The following RBMS1 variants were observed in gnomAD, a reference collection of about 807,000 sequenced individuals.
The protein encoded by RBMS1 is RNA binding motif single stranded interacting protein 1, also known as RNA-binding motif, single-stranded-interacting protein 1.
A neutral mutation model predicts 62.3 loss-of-function variants in RBMS1; 17 were observed. That is an observed-to-expected ratio of 0.27 (90% CI 0.19 to 0.41). The LOEUF (loss-of-function observed/expected upper bound fraction) is 0.41, where lower values mean the gene tolerates loss of function less well. Ranked by LOEUF, RBMS1 falls within the 10% of genes least tolerant of loss-of-function variation. The pLI, the probability that RBMS1 is intolerant of heterozygous loss-of-function variation, is 1.00. For missense variants in RBMS1, 334 were observed against 504.5 expected, an observed-to-expected ratio of 0.66 and a Z score of 3.24; for synonymous variants, 172 against 170.0, an observed-to-expected ratio of 1.01 and a Z score of -0.09.
At position 160,284,997 on chromosome 2, in the gene RBMS1, G is replaced by A. The variant is rs374981982; in HGVS notation, c.804C>T (p.Asn268=). Residue 268 remains asparagine, a splice_region_variant and synonymous_variant, in exon 8 of 14, where the codon AAC becomes AAT. Coordinates refer to ENST00000348849, the MANE Select transcript of RBMS1 (RefSeq NM_016836.4). ...ATGGATTTATTTTAACGACATACCCGTTCTGTATAGCAGCTGTAGTTGGGT... is the reference window on the plus strand; with the variant it reads ...ATGGATTTATTTTAACGACATACCCATTCTGTATAGCAGCTGTAGTTGGGT... The part of the protein sequence containing the change: ...TYDPTTAAIQ[N]GFYPSPYSIA... 34 of 1,612,500 alleles carry A rather than the reference G, an allele frequency of 2.1e-5. No individual in the cohort carries two copies. The highest frequency in any genetic ancestry group is 3.3e-4 in the Middle Eastern group (2 of 6,080).
chr2:160,340,203 A>G (rs1455371496), intron 2 of RBMS1, among the ~76,000 whole-genome samples: 1 of 152,144 alleles, frequency 6.6e-6, no homozygotes. Context: ...GTCATTTATT[A>G]ATGGATCAAC....
At chr2:160,440,075 G>T (rs1367649159) in intron 1 of RBMS1, among the ~76,000 whole-genome samples, 1 of 112,876 alleles carries the variant, frequency 8.9e-6, no homozygotes, top group Non-Finnish European at 1.9e-5. Flanking sequence ...CCGTGGAGAG[G>T]GGAGAGGGGA....
intron 4 of RBMS1, among the ~76,000 whole-genome samples, chr2:160,311,224 C>CCATATATATAATATA (rs71297446): frequency 1.8e-5 from 1 of 56,634 alleles, no homozygotes; most frequent in Non-Finnish European, 3.6e-5. Context: ...ATCTATCTAT[C>CCATATATATAATATA]TATCTATCTA....
intron 10 of RBMS1, chr2:160,279,753 TTAGA>T (rs1173975822): frequency 6.6e-6 from 1 of 152,150 alleles, no homozygotes; most frequent in African/African-American, 2.4e-5. Flanking sequence ...TTATTGATAA[TTAGA>T]TAGACAATCT....
chr2:160,318,360 T>G, intron 2 of RBMS1, 133 bp from the exon 3 acceptor site: 2 of 1,302,968 alleles, frequency 1.5e-6, no homozygotes, highest in Non-Finnish European at 2.0e-6. Context: ...GAGTACAAAA[T>G]TTTCTTTACT....
intron 6 of RBMS1, among the ~76,000 whole-genome samples, chr2:160,297,577 A>G (rs1401155792): frequency 6.6e-6 from 1 of 152,262 alleles, no homozygotes; most frequent in Admixed American, 6.5e-5. Flanking sequence ...AAACATGTTA[A>G]GTGCCACAGC....
At chr2:160,317,569 G>T (rs1431694444) in intron 3 of RBMS1, among the ~76,000 whole-genome samples, 1 of 152,082 alleles carries the variant, frequency 6.6e-6, no homozygotes, top group Non-Finnish European at 1.5e-5. Context: ...AAAACTGAAG[G>T]TCAGTGCATC....
intron 5 of RBMS1, among the ~76,000 whole-genome samples, chr2:160,301,777 G>T (rs1689221824): frequency 6.6e-6 from 1 of 152,136 alleles, no homozygotes; most frequent in Non-Finnish European, 1.5e-5. Flanking sequence ...TCATTATTTG[G>T]CAGTTAGGTA....
chr2:160,469,447 G>C (rs1680262784), intron 1 of RBMS1, among the ~76,000 whole-genome samples: 1 of 152,166 alleles, frequency 6.6e-6, no homozygotes, highest in African/African-American at 2.4e-5. Context: ...GCAACTCGGG[G>C]CTGCAGGGCC....
At chr2:160,382,541 G>A (rs980220433) in intron 1 of RBMS1, among the ~76,000 whole-genome samples, 37 of 152,282 alleles carry the variant, frequency 2.4e-4, no homozygotes, top group African/African-American at 8.7e-4. Context: ...TTTCAAAACA[G>A]ATTAATCAGA....
At chr2:160,372,140 A>G (rs1455859533) in intron 1 of RBMS1, among the ~76,000 whole-genome samples, 3 of 152,190 alleles carry the variant, frequency 2.0e-5, no homozygotes, top group Admixed American at 2.0e-4. Context: ...AGGCTAAAGA[A>G]CAGTGCTCTG....
intron 1 of RBMS1, among the ~76,000 whole-genome samples, chr2:160,384,402 C>G (rs535019769): frequency 6.6e-6 from 1 of 152,270 alleles, no homozygotes; most frequent in East Asian, 1.9e-4. Context: ...TAGAACAAGT[C>G]TAGTCTCCCC....
chr2:160,480,834 C>T (rs957804643), intron 1 of RBMS1, among the ~76,000 whole-genome samples: 10 of 151,892 alleles, frequency 6.6e-5, no homozygotes, highest in Non-Finnish European at 1.2e-4. Flanking sequence ...AGCAAGAATC[C>T]ACTGGGAGGC....
chr2:160,371,521 C>T (rs772251431), intron 1 of RBMS1, among the ~76,000 whole-genome samples: 4 of 152,206 alleles, frequency 2.6e-5, no homozygotes, highest in Non-Finnish European at 5.9e-5. Context: ...CTACATTCTT[C>T]TATCTCCAAG....
chr2:160,485,142 C>A (rs1488458961), intron 1 of RBMS1, among the ~76,000 whole-genome samples: 1 of 152,066 alleles, frequency 6.6e-6, no homozygotes, highest in East Asian at 1.9e-4. Flanking sequence ...GAAAAGGGAA[C>A]GAGTTTATCT....
At chr2:160,294,481 C>A (rs1688837341) in intron 6 of RBMS1, among the ~76,000 whole-genome samples, 1 of 152,152 alleles carries the variant, frequency 6.6e-6, no homozygotes, top group Non-Finnish European at 1.5e-5. Context: ...GGAGGGCAGG[C>A]AGTGTAGAAG....
chr2:160,407,897 C>A (rs1695845464), intron 1 of RBMS1: 1 of 980,672 alleles, frequency 1.0e-6, no homozygotes, highest in Admixed American at 6.3e-5. Flanking sequence ...GCCTCAACCA[C>A]CGCCCTGAGA....
intron 1 of RBMS1, among the ~76,000 whole-genome samples, chr2:160,466,709 G>A (rs1258381678): frequency 6.6e-6 from 1 of 152,186 alleles, no homozygotes; most frequent in African/African-American, 2.4e-5. Flanking sequence ...TTGTGGATAA[G>A]TAACTTAAGT....
At position 160,367,399 on chromosome 2, in the gene RBMS1, A is replaced by T. The variant is rs367759925; in HGVS notation, c.76-8T>A. The T allele has an allele frequency of 5.0e-6, 8 of 1,614,040 alleles. No homozygotes were observed. Among genetic ancestry groups the T allele is most frequent in the Non-Finnish European group, 6.8e-6 (8 of 1,179,962 alleles). On this transcript the variant is annotated splice_region_variant and splice_polypyrimidine_tract_variant and intron_variant, in intron 1 of 13. Coordinates refer to ENST00000348849, the MANE Select transcript of RBMS1 (RefSeq NM_016836.4). ...GGCTGGGACCAGAGACTGCTGGAAA[A>T]CAAAGATCAGGAGCCTTAGTATGCT...
Sources: allele counts gnomAD v4.1 joint callset (sites outside exome capture counted in the v4.1 genomes callset), GRCh38; gene constraint gnomAD v4.1.1; transcripts MANE v1.5; gene names NCBI Gene and HGNC (gene_info 2026-07-23, HGNC 2026-07-21).